BRINP1: variants seen among roughly 807,000 people sequenced by gnomAD.
The protein encoded by BRINP1 is BMP/retinoic acid inducible neural specific 1.
A neutral mutation model predicts 72.9 loss-of-function variants in BRINP1; 17 were observed. That is an observed-to-expected ratio of 0.23 (90% CI 0.16 to 0.35). BRINP1 has a LOEUF of 0.35. Among genes scored for constraint, BRINP1 ranks in the 10% least tolerant of loss-of-function variants. BRINP1 has a pLI of 1.00. For missense variants in BRINP1, 850 were observed against 1,001.6 expected (o/e 0.85, Z 2.04); for synonymous variants, 418 against 378.5 (o/e 1.10, Z -1.21).
chr9:119,338,730 A>G (rs796217529), intron 1 of BRINP1, among the ~76,000 whole-genome samples: 13 of 150,964 alleles, frequency 8.6e-5, no homozygotes, highest in Middle Eastern at 3.4e-3. Context: ...AAAAAAAAAA[A>G]AAGAAGAAGA....
At chr9:119,216,845 G>A (rs1360417483) in intron 5 of BRINP1, among the ~76,000 whole-genome samples, 1 of 152,098 alleles carries the variant, frequency 6.6e-6, no homozygotes, top group Non-Finnish European at 1.5e-5. Flanking sequence ...GATACAAAAG[G>A]CAGTATTACC....
chr9:119,268,748 T>C (rs546770229), intron 2 of BRINP1, among the ~76,000 whole-genome samples: 3 of 152,220 alleles, frequency 2.0e-5, no homozygotes, highest in Non-Finnish European at 4.4e-5. Flanking sequence ...TTGTCTTATT[T>C]ATTGCACGGC....
intron 1 of BRINP1, among the ~76,000 whole-genome samples, chr9:119,324,162 A>T (rs1831216197): frequency 6.6e-6 from 1 of 152,272 alleles, no homozygotes; most frequent in African/African-American, 2.4e-5. Flanking sequence ...CTCAGTACAA[A>T]CGTCCAATTA....
chr9:119,315,480 T>C (rs1030477325), intron 1 of BRINP1, among the ~76,000 whole-genome samples: 3 of 152,128 alleles, frequency 2.0e-5, no homozygotes, highest in Admixed American at 1.3e-4. Context: ...CTCCACTGAC[T>C]AGCTATTCCC....
intron 2 of BRINP1, among the ~76,000 whole-genome samples, chr9:119,261,594 T>C (rs1040214779): frequency 3.9e-5 from 6 of 152,208 alleles, no homozygotes; most frequent in Non-Finnish European, 8.8e-5. Flanking sequence ...TCAGTTCCTC[T>C]TTTTTCCTGT....
At chr9:119,283,165 G>A in intron 2 of BRINP1, 2 of 985,018 alleles carry the variant, frequency 2.0e-6, no homozygotes, top group Non-Finnish European at 2.4e-6. Flanking sequence ...TGTTCTTTCT[G>A]GGCCTCCTTG....
rs1227527793 is a variant in BRINP1, at chr9:119,369,000, G to T, written c.-51+56C>A. 1 of 391,862 alleles carries T rather than the reference G, an allele frequency of 2.6e-6. No homozygotes were observed. Among genetic ancestry groups the T allele is most frequent in the Non-Finnish European group, 4.5e-6 (1 of 222,276 alleles). The allele number at this position is 391,862 out of a possible 1,614,324, so 24.3% of individuals were successfully genotyped here. ...CGCGGGGACGCCCCGAATGCGGCCC[G>T]GGGCCGGGTCCAAGGGCAGCGGGGC... On this transcript the variant is annotated intron_variant, in intron 1 of 7. Transcript: ENST00000265922. This position sits in a 1 kb window ranked among gnomAD's most constrained non-coding sequence, Gnocchi z 4.7.
chr9:119,348,912 T>C (rs942135146), intron 1 of BRINP1, among the ~76,000 whole-genome samples: 1 of 152,204 alleles, frequency 6.6e-6, no homozygotes. Flanking sequence ...CGGGTATGTG[T>C]GGTGTAAATG....
intron 1 of BRINP1, among the ~76,000 whole-genome samples, chr9:119,345,678 A>C (rs1207942213): frequency 1.3e-5 from 2 of 152,286 alleles, no homozygotes; most frequent in South Asian, 2.1e-4. Flanking sequence ...GACTCTTCCA[A>C]GTTTACTCAA....
At chr9:119,231,049 T>C (rs1830144820) in intron 5 of BRINP1, among the ~76,000 whole-genome samples, 1 of 152,112 alleles carries the variant, frequency 6.6e-6, no homozygotes, top group Non-Finnish European at 1.5e-5. Context: ...TGATATTTAC[T>C]ATAAAACACA....
At chr9:119,292,415 T>G (rs770067703) in intron 2 of BRINP1, among the ~76,000 whole-genome samples, 84 of 152,226 alleles carry the variant, frequency 5.5e-4, no homozygotes, top group Non-Finnish European at 1.8e-4. Flanking sequence ...TGTCTGTCAC[T>G]AACACCATAC....
chr9:119,235,076 G>A (rs1830181480), intron 5 of BRINP1, among the ~76,000 whole-genome samples: 1 of 151,978 alleles, frequency 6.6e-6, no homozygotes, highest in Non-Finnish European at 1.5e-5. Flanking sequence ...GTACCCCCAT[G>A]GTCTAAATCC....
At chr9:119,225,142 C>T (rs1332443) in intron 5 of BRINP1, among the ~76,000 whole-genome samples, 94,308 of 151,834 alleles carry the variant, frequency 0.62, 29,806 homozygotes, top group Middle Eastern at 0.8. Context: ...TAAATGTCCA[C>T]TGACCAATAA....
At chr9:119,260,574 T>A (rs75418120) in intron 2 of BRINP1, among the ~76,000 whole-genome samples, 6 of 152,152 alleles carry the variant, frequency 3.9e-5, no homozygotes, top group Non-Finnish European at 7.3e-5. Flanking sequence ...AGTATTCTCT[T>A]GCTCCCAAAA....
At chr9:119,303,158 T>G (rs905324973) in intron 2 of BRINP1, among the ~76,000 whole-genome samples, 3 of 152,112 alleles carry the variant, frequency 2.0e-5, no homozygotes, top group Non-Finnish European at 4.4e-5. Context: ...GGTGTCATGC[T>G]AGAGTCGCAG....
chr9:119,340,267 A>C (rs536753390), intron 1 of BRINP1, among the ~76,000 whole-genome samples: 32 of 152,364 alleles, frequency 2.1e-4, no homozygotes, highest in African/African-American at 7.7e-4. Context: ...GAAGGAACAG[A>C]TATTACCAGG....
At position 119,252,766 on chromosome 9, in the gene BRINP1, G is replaced by T. The variant is rs188232250; in HGVS notation, c.219-3616C>A. On this transcript the variant is annotated intron_variant, in intron 2 of 7. Coordinates refer to ENST00000265922, the MANE Select transcript of BRINP1 (RefSeq NM_014618.3). Reference sequence around the variant, plus strand: ...AAATCACTCTTTTAATGTAAATATCGAGAGGTAGAATATAAAAGCATAGTA... The same window carrying T: ...AAATCACTCTTTTAATGTAAATATCTAGAGGTAGAATATAAAAGCATAGTA... Among the ~76,000 whole-genome samples, 28 of 152,170 alleles carry T rather than the reference G, an allele frequency of 1.8e-4. No individual in the cohort carries two copies. In the East Asian group the frequency reaches 5.2e-3, roughly 28 times the overall value.
chr9:119,292,648 A>C (rs985302411), intron 2 of BRINP1, among the ~76,000 whole-genome samples: 1 of 152,214 alleles, frequency 6.6e-6, no homozygotes, highest in Non-Finnish European at 1.5e-5. Flanking sequence ...TCCAACTTCT[A>C]GTATGAAAAG....
At chr9:119,335,756 C>T (rs561993543) in intron 1 of BRINP1, among the ~76,000 whole-genome samples, 2 of 152,222 alleles carry the variant, frequency 1.3e-5, no homozygotes, top group Non-Finnish European at 2.9e-5. Flanking sequence ...GCTCAGACTT[C>T]TCTAAATCTA....
Sources: gnomAD v4.1 joint callset for allele counts (sites outside exome capture counted in the v4.1 genomes callset) on GRCh38, gnomAD v4.1.1 for gene constraint, Gnocchi (gnomAD v3.1) non-coding constraint, MANE v1.5 for transcripts, NCBI Gene and HGNC (gene_info 2026-07-23, HGNC 2026-07-21) for gene names.